Variants in RPS6KC1 observed in about 807,000 individuals in gnomAD.
RPS6KC1 encodes ribosomal protein S6 kinase C1.
RPS6KC1 carries 54 observed loss-of-function variants against 103.8 expected under a neutral mutation model. That is an observed-to-expected ratio of 0.52 (90% CI 0.42 to 0.65). The LOEUF (loss-of-function observed/expected upper bound fraction) is 0.65. RPS6KC1 is among the 30% of genes least tolerant of loss of function. The pLI, the probability that RPS6KC1 is intolerant of heterozygous loss-of-function variation, is 0.00. For synonymous variants in RPS6KC1, 439 were observed against 438.7 expected (o/e 1.00, Z -0.01); for missense variants, 1,151 against 1,253.8 (o/e 0.92, Z 1.24).
At chr1:213,516,063 T>C in the RPS6KC1 span, among the ~76,000 whole-genome samples, 1 of 152,232 alleles carries the variant, frequency 6.6e-6, no homozygotes, top group African/African-American at 2.4e-5. Context: ...ATGCTTGTGA[T>C]TTTTGCACAT....
intron 1 of RPS6KC1, among the ~76,000 whole-genome samples, chr1:213,064,482 C>G (rs1030062780): frequency 6.6e-6 from 1 of 151,854 alleles, no homozygotes; most frequent in Non-Finnish European, 1.5e-5. Context: ...ATTCTCCTGC[C>G]TCAGTCTCCC....
At chr1:213,722,190 C>T in the RPS6KC1 span, among the ~76,000 whole-genome samples, 1 of 152,102 alleles carries the variant, frequency 6.6e-6, no homozygotes, top group Admixed American at 6.5e-5. Flanking sequence ...GGGCAAAAGA[C>T]CAGAACCCAG....
At chr1:213,752,280 A>G in the RPS6KC1 span, among the ~76,000 whole-genome samples, 1 of 152,112 alleles carries the variant, frequency 6.6e-6, no homozygotes, top group Admixed American at 6.6e-5. Flanking sequence ...TGGGCCAGAG[A>G]AAAAAATATT....
At chr1:213,259,788 G>T (rs1416783101) in intron 12 of RPS6KC1, among the ~76,000 whole-genome samples, 3 of 136,170 alleles carry the variant, frequency 2.2e-5, no homozygotes, top group African/African-American at 5.3e-5. Flanking sequence ...GCCCAGGCTG[G>T]AGTGCAGTGG....
chr1:213,414,883 G>T, the RPS6KC1 span, among the ~76,000 whole-genome samples: 1 of 152,130 alleles, frequency 6.6e-6, no homozygotes, highest in Non-Finnish European at 1.5e-5. Flanking sequence ...TTCACCTGGG[G>T]CTTTAGGACC....
intron 1 of RPS6KC1, among the ~76,000 whole-genome samples, chr1:213,066,141 G>C (rs925282706): frequency 4.6e-5 from 7 of 152,176 alleles, no homozygotes; most frequent in African/African-American, 1.7e-4. Context: ...GCAGTGCCTT[G>C]AACAGTATTA....
chr1:213,146,302 C>G (rs2087820274), intron 6 of RPS6KC1, among the ~76,000 whole-genome samples: 1 of 151,876 alleles, frequency 6.6e-6, no homozygotes, highest in South Asian at 2.1e-4. Context: ...TTAATGGACA[C>G]TTAGGTTGCT....
At chr1:213,490,735 C>T in the RPS6KC1 span, among the ~76,000 whole-genome samples, 1 of 152,116 alleles carries the variant, frequency 6.6e-6, no homozygotes. Context: ...ATGAATTGCT[C>T]TCAAGGGCAT....
chr1:213,513,768 C>G, the RPS6KC1 span, among the ~76,000 whole-genome samples: 1 of 152,158 alleles, frequency 6.6e-6, no homozygotes, highest in Admixed American at 6.5e-5. Flanking sequence ...AAGCAACCAT[C>G]ACAAGAACAA....
intron 6 of RPS6KC1, among the ~76,000 whole-genome samples, chr1:213,137,799 A>ATTTTTTTTTTTTTT (rs869154560): frequency 1.4e-4 from 2 of 13,996 alleles, no homozygotes; most frequent in Non-Finnish European, 3.2e-4. Context: ...ATATATATAT[A>ATTTTTTTTTTTTTT]TTTTTTTTTT....
chr1:213,251,880 C>T (rs1002159563), intron 12 of RPS6KC1, among the ~76,000 whole-genome samples: 2 of 152,158 alleles, frequency 1.3e-5, no homozygotes, highest in African/African-American at 2.4e-5. Context: ...ATAATATTGA[C>T]AGTTACTTTT....
At chr1:213,752,687 T>C in the RPS6KC1 span, among the ~76,000 whole-genome samples, 1 of 152,250 alleles carries the variant, frequency 6.6e-6, no homozygotes, top group Non-Finnish European at 1.5e-5. Context: ...AAGCTTTAAT[T>C]TGAAGTGGCA....
the RPS6KC1 span, among the ~76,000 whole-genome samples, chr1:213,607,939 T>C: frequency 2.0e-5 from 3 of 152,174 alleles, no homozygotes; most frequent in African/African-American, 7.2e-5. Flanking sequence ...CTCCCATCCA[T>C]GGATCGTGGT....
chr1:213,709,585 T>C, the RPS6KC1 span, among the ~76,000 whole-genome samples: 1 of 152,198 alleles, frequency 6.6e-6, no homozygotes, highest in Non-Finnish European at 1.5e-5. Flanking sequence ...ATTTCTTGCC[T>C]TCTGCTAGCT....
At chr1:213,403,682 A>G in the RPS6KC1 span, among the ~76,000 whole-genome samples, 2 of 152,166 alleles carry the variant, frequency 1.3e-5, no homozygotes, top group African/African-American at 4.8e-5. Flanking sequence ...TCTTAATAGT[A>G]TGTGAGCTAG....
chr1:213,455,696 AC>A, the RPS6KC1 span, among the ~76,000 whole-genome samples: 4 of 152,202 alleles, frequency 2.6e-5, no homozygotes, highest in Admixed American at 2.0e-4. Flanking sequence ...CTTGATTAAT[AC>A]CAGTTTTAAA....
At position 213,242,212 on chromosome 1, in the gene RPS6KC1, A is replaced by G; in HGVS notation, c.2736A>G (p.Glu912=). 1 of 1,613,998 alleles carries G rather than the reference A, an allele frequency of 6.2e-7. No individual in the cohort carries two copies. The highest frequency in any genetic ancestry group is 8.5e-7 in the Non-Finnish European group (1 of 1,179,902). Residue 912 remains glutamate, a synonymous_variant, in exon 11 of 15, where the codon GAA becomes GAG. Coordinates refer to ENST00000366960, the MANE Select transcript of RPS6KC1 (RefSeq NM_012424.6). ...GCTGCATTCAAAGATGGGCAGCTGA[A>G]ATGGTGGTAGCCCTTGATGCTTTAC... ...PEGCIQRWAA[E]MVVALDALHR...
chr1:213,511,981 C>T, the RPS6KC1 span, among the ~76,000 whole-genome samples: 10 of 152,296 alleles, frequency 6.6e-5, no homozygotes, highest in Non-Finnish European at 1.2e-4. Flanking sequence ...GAACACCACC[C>T]GCTATGTGTT....
chr1:213,447,447 A>G, the RPS6KC1 span, among the ~76,000 whole-genome samples: 1 of 152,318 alleles, frequency 6.6e-6, no homozygotes, highest in South Asian at 2.1e-4. Flanking sequence ...AGAAACAGAT[A>G]ACAATACCCA....
Sources: gnomAD v4.1 joint callset for allele counts (sites outside exome capture counted in the v4.1 genomes callset) on GRCh38, gnomAD v4.1.1 for gene constraint, MANE v1.5 for transcripts, NCBI Gene and HGNC (gene_info 2026-07-23, HGNC 2026-07-21) for gene names.